RUBCN: variants seen among roughly 807,000 people sequenced by gnomAD.
The protein encoded by RUBCN is rubicon autophagy regulator, also known as run domain Beclin-1-interacting and cysteine-rich domain-containing protein.
A neutral mutation model predicts 113.2 loss-of-function variants in RUBCN; 74 were observed. That is an observed-to-expected ratio of 0.65 (90% CI 0.54 to 0.79). RUBCN has a LOEUF of 0.79. Among genes scored for constraint, RUBCN ranks in the 30% least tolerant of loss-of-function variants. RUBCN has a pLI of 0.00. For missense variants in RUBCN, 1,109 were observed against 1,251.7 expected (o/e 0.89, Z 1.72); for synonymous variants, 480 against 490.0 (o/e 0.98, Z 0.27).
intron 1 of RUBCN, among the ~76,000 whole-genome samples, chr3:197,747,682 C>T (rs1268863673): frequency 6.6e-6 from 1 of 152,174 alleles, no homozygotes; most frequent in African/African-American, 2.4e-5. Flanking sequence ...GTAGTTTACT[C>T]TCACAAATGA....
chr3:197,726,647 C>T (rs1163700350), intron 1 of RUBCN, among the ~76,000 whole-genome samples: 1 of 151,684 alleles, frequency 6.6e-6, no homozygotes, highest in Admixed American at 6.6e-5. Context: ...TCAAGCGATT[C>T]TCCTGCCTCA....
At position 197,675,032 on chromosome 3, in the gene RUBCN, G is replaced by A. The variant is rs760676225; in HGVS notation, c.2905C>T (p.Leu969=). Residue 969 remains leucine (L), a synonymous_variant, in exon 20 of 20, where the codon CTG becomes TTG. Coordinates refer to ENST00000296343, the MANE Select transcript of RUBCN (RefSeq NM_014687.4). The surrounding 1 kb of genome is among the most constrained non-coding windows in gnomAD (Gnocchi z 4.4). ...ACGTGCTTTCTTCAGGTGGCCTCCAGGACGGCGGCTTCCAGGGCCAGCGCT... is the reference window on the plus strand; with the variant it reads ...ACGTGCTTTCTTCAGGTGGCCTCCAAGACGGCGGCTTCCAGGGCCAGCGCT... ...AEALALEAAV[L]EAT The A allele has an allele frequency of 6.2e-7, 1 of 1,612,476 alleles. No homozygotes were observed. Among genetic ancestry groups the A allele is most frequent in the Non-Finnish European group, 8.5e-7 (1 of 1,179,900 alleles).
upstream of RUBCN, among the ~76,000 whole-genome samples, chr3:197,740,237 T>C (rs533782930): frequency 1.0e-4 from 6 of 58,034 alleles, no homozygotes; most frequent in East Asian, 9.4e-3. Context: ...CCCCTTCTTT[T>C]GTTTTTTTTT....
chr3:197,676,242 C>T, intron 18 of RUBCN: 1 of 991,496 alleles, frequency 1.0e-6, no homozygotes, highest in South Asian at 4.6e-5. Flanking sequence ...TTATTTTGGT[C>T]ATAATGACTG....
At chr3:197,705,280 C>A (rs1302421529) in intron 2 of RUBCN, 105 bp from the exon 3 acceptor site, 8 of 1,001,308 alleles carry the variant, frequency 8.0e-6, no homozygotes, top group Middle Eastern at 2.0e-4. Context: ...CCTTCCCTTG[C>A]CTCATCAAAG....
intron 16 of RUBCN, among the ~76,000 whole-genome samples, chr3:197,678,557 C>T (rs1030484807): frequency 1.4e-5 from 2 of 148,142 alleles, no homozygotes; most frequent in Non-Finnish European, 3.0e-5. Flanking sequence ...CTCTGACTGA[C>T]AACTGGCTTC....
intron 1 of RUBCN, among the ~76,000 whole-genome samples, chr3:197,723,437 C>T (rs1467851993): frequency 2.0e-5 from 3 of 152,180 alleles, no homozygotes; most frequent in Admixed American, 1.3e-4. Context: ...CTGCCCACCT[C>T]AGCCTCCCAA....
chr3:197,673,753 C>T lies in RUBCN; in HGVS notation c.*1265G>A, dbSNP rs1303180593. The T allele has an allele frequency of 6.6e-6, 1 of 152,600 alleles. No homozygotes were observed. The highest frequency in any genetic ancestry group is 1.9e-4 in the East Asian group (1 of 5,200). 9.5% of individuals were successfully genotyped at this position (152,600 alleles called of 1,614,324 possible). On this transcript the variant is annotated 3_prime_UTR_variant, in exon 20 of 20. Coordinates refer to ENST00000296343, the MANE Select transcript of RUBCN (RefSeq NM_014687.4). Reference sequence around the variant, plus strand: ...TTAACGGGGGGAGGGGGGCAGCACACTAAAATCAGCATTATCAAATGAACA... The same window carrying T: ...TTAACGGGGGGAGGGGGGCAGCACATTAAAATCAGCATTATCAAATGAACA...
chr3:197,690,977 C>T, intron 11 of RUBCN: 1 of 638,986 alleles, frequency 1.6e-6, no homozygotes, highest in Admixed American at 2.3e-5. Context: ...GTCCTCGTAA[C>T]CTTGACAGTT....
At chr3:197,697,171 GGCGGCACACCA>G (rs759065016) in intron 7 of RUBCN, 122 bp from the exon 8 acceptor site, 1 of 680,290 alleles carries the variant, frequency 1.5e-6, no homozygotes, top group Non-Finnish European at 2.7e-6. Context: ...GCAGGAGAGA[GGCGGCACACCA>G]ACGGAACAGC....
At chr3:197,700,411 T>C (rs1017469396) in intron 7 of RUBCN, 19 of 604,760 alleles carry the variant, frequency 3.1e-5, no homozygotes, top group Middle Eastern at 2.7e-4. Flanking sequence ...ATATTAGCAA[T>C]GTATAAAGAA....
rs796413468 is a variant in RUBCN, at chr3:197,674,880, TAA to T, written c.*136_*137del. The T allele has an allele frequency of 0.028, 12,133 of 440,412 alleles. 5 individuals are homozygous for T. The highest frequency in any genetic ancestry group is 0.052 in the African/African-American group (1,069 of 20,646). 27.3% of individuals were successfully genotyped at this position (440,412 alleles called of 1,614,324 possible). A position where few individuals can be genotyped will look rare whatever the true frequency, so the allele number is the denominator to read the frequency against. ...TGCACACAGACGTCAGACAAGTCAGTAAAAAAAAAAAAAAAGATGATGATAAT... is the reference window on the plus strand; with the variant it reads ...TGCACACAGACGTCAGACAAGTCAGTAAAAAAAAAAAAAGATGATGATAAT... On this transcript the variant is annotated 3_prime_UTR_variant, in exon 20 of 20. Coordinates refer to ENST00000296343, the MANE Select transcript of RUBCN (RefSeq NM_014687.4).
At chr3:197,698,849 A>AAG in intron 7 of RUBCN, among the ~76,000 whole-genome samples, 1 of 150,898 alleles carries the variant, frequency 6.6e-6, no homozygotes, top group South Asian at 2.1e-4. Context: ...AAAAAAAAAA[A>AAG]AGTAAAAAAA....
Position 197,685,866 on chromosome 3 carries a change from C to G in RUBCN, c.1787-1649G>C, listed in dbSNP as rs1443120743. On this transcript the variant is annotated intron_variant, in intron 11 of 19. Transcript: ENST00000296343. ...GAGGCAACAGTAGGCCAGACTTTCA[C>G]AGACTGTTTGGTTTGCAACATTTAT... Among the ~76,000 whole-genome samples the G allele has an allele frequency of 2.6e-5, 4 of 152,352 alleles. No individual in the cohort carries two copies. In the East Asian group the frequency reaches 5.8e-4, roughly 22 times the overall value.
rs780741045 is a variant in RUBCN at position 197,683,415 on chromosome 3, C to T, written c.1872G>A (p.Thr624=). 2.5e-6 allele frequency: 4 copies of T among 1,614,106 alleles called. No homozygotes were observed. The highest frequency in any genetic ancestry group is 2.2e-5 in the East Asian group (1 of 44,884). The change falls in exon 13 of 20, where the codon ACG becomes ACA. Residue 624 remains threonine (T), a synonymous_variant. Transcript: ENST00000296343. This position sits in a 1 kb window ranked among gnomAD's most constrained non-coding sequence, Gnocchi z 4.6. ...QSFSHCFLHS[T]SAEAVAMGLL... is the part of the protein sequence containing the mutation. ...GCCCCATGGCCACCGCCTCAGCAGACGTGGAGTGCAGGAAGCAGTGGGAGC... is the reference window on the plus strand; with the variant it reads ...GCCCCATGGCCACCGCCTCAGCAGATGTGGAGTGCAGGAAGCAGTGGGAGC...
upstream of RUBCN, among the ~76,000 whole-genome samples, chr3:197,739,656 G>C (rs561108677): frequency 6.6e-6 from 1 of 152,080 alleles, no homozygotes; most frequent in Non-Finnish European, 1.5e-5. Flanking sequence ...CAGAGATCAC[G>C]CCACTGCACT....
At chr3:197,735,905 A>AT (rs1468577961) in intron 1 of RUBCN, among the ~76,000 whole-genome samples, 1 of 152,118 alleles carries the variant, frequency 6.6e-6, no homozygotes, top group Non-Finnish European at 1.5e-5. Context: ...TAGTTTTTAT[A>AT]TTTTAAATCC....
chr3:197,732,871 G>T (rs143725453), intron 1 of RUBCN, among the ~76,000 whole-genome samples: 1 of 152,324 alleles, frequency 6.6e-6, no homozygotes, highest in East Asian at 1.9e-4. Context: ...ACAGTCACTT[G>T]TGGGGGAGAC....
Position 197,703,188 on chromosome 3 carries a change from G to A in RUBCN, c.570+360C>T, listed in dbSNP as rs912873978. Among the ~76,000 whole-genome samples the A allele has an allele frequency of 4.6e-5, 7 of 151,946 alleles. No individual in the cohort carries two copies. The East Asian group carries it at 7.7e-4, about 17-fold the overall frequency. On this transcript the variant is annotated intron_variant, in intron 5 of 19. Transcript: ENST00000296343. ...CCGAGGCGGGAGGATCACGAGGTCA[G>A]GAGATCGAGACCGTCCTGGCCAACA...
Sources: gnomAD v4.1 joint callset for allele counts (sites outside exome capture counted in the v4.1 genomes callset) on GRCh38, gnomAD v4.1.1 for gene constraint, Gnocchi (gnomAD v3.1) non-coding constraint, MANE v1.5 for transcripts, NCBI Gene and HGNC (gene_info 2026-07-23, HGNC 2026-07-21) for gene names.